The following SPTBN1 variants were observed in gnomAD, a reference collection of about 807,000 sequenced individuals.
The protein encoded by SPTBN1 is spectrin beta chain, non-erythrocytic 1.
A neutral mutation model predicts 266.4 loss-of-function variants in SPTBN1; 32 were observed. That is an observed-to-expected ratio of 0.12 (90% CI 0.09 to 0.16). SPTBN1 has a LOEUF of 0.16. Ranked by LOEUF, SPTBN1 falls within the 10% of genes least tolerant of loss-of-function variation. The pLI is 1.00. For synonymous variants in SPTBN1, 1,336 were observed against 1,162.2 expected, an observed-to-expected ratio of 1.15 and a Z score of -3.04; for missense variants, 2,296 against 3,067.1, an observed-to-expected ratio of 0.75 and a Z score of 5.94.
At chr2:54,546,128 T>C (rs1203205039) in intron 2 of SPTBN1, among the ~76,000 whole-genome samples, 1 of 152,230 alleles carries the variant, frequency 6.6e-6, no homozygotes, top group African/African-American at 2.4e-5. Flanking sequence ...CTTTCCTGTG[T>C]AATGATTTTT....
At position 54,558,773 on chromosome 2, in the gene SPTBN1, G is replaced by A. The variant is rs892952711; in HGVS notation, c.148+32207G>A. ...CGCAGTCCTCCGGGGCGTTACGCCG[G>A]GCATAATGGAATTGCAGAGGACGTC... is the stretch of plus-strand genomic sequence containing the variant. On this transcript the variant is annotated intron_variant, in intron 2 of 35. Transcript: ENST00000356805. The surrounding 1 kb of genome is among the most constrained non-coding windows in gnomAD (Gnocchi z 4.6). 40 of 1,611,994 alleles carry A rather than the reference G, an allele frequency of 2.5e-5. No homozygotes were observed. The highest frequency in any genetic ancestry group is 3.4e-5 in the Non-Finnish European group (40 of 1,178,752).
intron 2 of SPTBN1, among the ~76,000 whole-genome samples, chr2:54,583,767 A>G (rs2104585891): frequency 6.6e-6 from 1 of 152,334 alleles, no homozygotes; most frequent in East Asian, 1.9e-4. Flanking sequence ...GCAGCAGTAC[A>G]CATAGGACCT....
At chr2:54,644,107 T>G (rs949173811) in intron 19 of SPTBN1, among the ~76,000 whole-genome samples, 13 of 152,218 alleles carry the variant, frequency 8.5e-5, no homozygotes, top group African/African-American at 3.1e-4. Context: ...TATTTCAGCA[T>G]GTAACATTTA....
chr2:54,542,889 C>G (rs1175983919), intron 2 of SPTBN1, among the ~76,000 whole-genome samples: 1 of 152,208 alleles, frequency 6.6e-6, no homozygotes, highest in East Asian at 1.9e-4. Flanking sequence ...ATTTTGGTCA[C>G]AAATCTGCAA....
At chr2:54,518,170 G>A (rs1670219958) in intron 1 of SPTBN1, among the ~76,000 whole-genome samples, 1 of 152,014 alleles carries the variant, frequency 6.6e-6, no homozygotes, top group South Asian at 2.1e-4. Context: ...CTAGCCCCAT[G>A]TACCTGAGTA....
chr2:54,477,092 A>T (rs188081076), intron 1 of SPTBN1, among the ~76,000 whole-genome samples: 17 of 152,266 alleles, frequency 1.1e-4, no homozygotes, highest in African/African-American at 4.1e-4. Context: ...AAGTTTTGAA[A>T]TGAGATACTA....
chr2:54,533,798 G>A lies in SPTBN1; in HGVS notation c.148+7232G>A, dbSNP rs902691879. Among the ~76,000 whole-genome samples the A allele has an allele frequency of 3.9e-5, 6 of 152,126 alleles. No individual in the cohort carries two copies. Among genetic ancestry groups the A allele is most frequent in the African/African-American group, 9.7e-5 (4 of 41,420 alleles). ...ACTCCTGACCCCAGGTGATCCGCCC[G>A]CCTTGGCCTCCCAAAGTGCTGGGAT... is the stretch of plus-strand genomic sequence containing the variant. On this transcript the variant is annotated intron_variant, in intron 2 of 35. Coordinates refer to ENST00000356805, the MANE Select transcript of SPTBN1 (RefSeq NM_003128.3). This position sits in a 1 kb window ranked among gnomAD's most constrained non-coding sequence, Gnocchi z 4.2.
In SPTBN1 at chr2:54,669,838, C is replaced by T. The variant is rs1458181425; in HGVS notation, c.*1269C>T. The T allele has an allele frequency of 6.6e-6, 1 of 152,210 alleles. No individual in the cohort carries two copies. Among genetic ancestry groups the T allele is most frequent in the Non-Finnish European group, 1.5e-5 (1 of 68,030 alleles). The allele number at this position is 152,210 out of a possible 1,614,324, so 9.4% of individuals were successfully genotyped here. On this transcript the variant is annotated 3_prime_UTR_variant, in exon 36 of 36. Coordinates refer to ENST00000356805, the MANE Select transcript of SPTBN1 (RefSeq NM_003128.3). ...CACAAGCTTTGAAAACTACAGCAAA[C>T]AGTAATAAATGTGACTGTTTTGTAG...
At chr2:54,652,232 AG>A (rs1680348765) in intron 26 of SPTBN1, among the ~76,000 whole-genome samples, 1 of 152,246 alleles carries the variant, frequency 6.6e-6, no homozygotes, top group African/African-American at 2.4e-5. Flanking sequence ...ATGTAAGAGG[AG>A]AAAATTTAAC....
intron 3 of SPTBN1, among the ~76,000 whole-genome samples, chr2:54,601,817 T>G (rs1195539260): frequency 2.0e-5 from 3 of 152,224 alleles, no homozygotes; most frequent in East Asian, 3.8e-4. Context: ...TGTGAATGTG[T>G]GCATGTGTGT....
chr2:54,494,929 AAT>A (rs1668884958), intron 1 of SPTBN1, among the ~76,000 whole-genome samples: 3 of 151,348 alleles, frequency 2.0e-5, no homozygotes, highest in African/African-American at 4.9e-5. Context: ...AAAAAAAAAA[AAT>A]GTCCTGAAAA....
intron 2 of SPTBN1, among the ~76,000 whole-genome samples, chr2:54,561,442 G>T (rs377408892): frequency 1.3e-5 from 2 of 151,932 alleles, no homozygotes; most frequent in African/African-American, 2.4e-5. Flanking sequence ...CCTGTACTGG[G>T]TTTAATGCCT....
chr2:54,469,629 A>G (rs1294201798), intron 1 of SPTBN1, among the ~76,000 whole-genome samples: 2 of 152,202 alleles, frequency 1.3e-5, no homozygotes, highest in Admixed American at 1.3e-4. Flanking sequence ...AGGTCTTGAC[A>G]CTTGGGATGG....
chr2:54,593,411 C>T (rs57051146), intron 2 of SPTBN1, among the ~76,000 whole-genome samples: 5,322 of 152,176 alleles, frequency 0.035, 315 homozygotes, highest in African/African-American at 0.12. Flanking sequence ...TTCTTTTTGT[C>T]CTTTTTTCAC....
chr2:54,481,338 A>C (rs1668086504), intron 1 of SPTBN1, among the ~76,000 whole-genome samples: 1 of 151,078 alleles, frequency 6.6e-6, no homozygotes, highest in Non-Finnish European at 1.5e-5. Flanking sequence ...CCTGAAGGGC[A>C]TGGCATGCCT....
At chr2:54,516,677 CAA>C (rs1448982509) in intron 1 of SPTBN1, among the ~76,000 whole-genome samples, 1 of 152,154 alleles carries the variant, frequency 6.6e-6, no homozygotes, top group Non-Finnish European at 1.5e-5. Flanking sequence ...ATACCTAAGA[CAA>C]AGTGACTCTA....
chr2:54,564,563 G>C (rs1029132643), intron 2 of SPTBN1, among the ~76,000 whole-genome samples: 1 of 152,206 alleles, frequency 6.6e-6, no homozygotes, highest in South Asian at 2.1e-4. Context: ...AGCTGCAGCT[G>C]CTGCCACACC....
At chr2:54,657,687 G>A (rs1388539829) in intron 29 of SPTBN1, 163 bp from the exon 30 acceptor site, 1 of 761,498 alleles carries the variant, frequency 1.3e-6, no homozygotes, top group Non-Finnish European at 2.1e-6. Flanking sequence ...AGTTGCAAGT[G>A]TGGCTCACAT....
chr2:54,522,646 A>AGAGAGAGG lies in SPTBN1; in HGVS notation c.-47-3726_-47-3725insGAGAGAGG, dbSNP rs1670513590. ...ACTCTGTCTCAAAAAGAAAGAAAGA[A>AGAGAGAGG]AGAGAGAGAGAAAGAGAGAGAGAGA... On this transcript the variant is annotated intron_variant, in intron 1 of 35. Transcript: ENST00000356805. 1.8e-4 allele frequency among the ~76,000 whole-genome samples: 10 copies of AGAGAGAGG among 56,884 alleles called. No homozygotes were observed. The South Asian group carries it at 5.3e-3, about 30-fold the overall frequency. The allele number at this position is 56,884 out of a possible 152,430, so 37.3% of individuals were successfully genotyped here. A position where few individuals can be genotyped will look rare whatever the true frequency, so the allele number is the denominator to read the frequency against.
Sources: allele counts gnomAD v4.1 joint callset (sites outside exome capture counted in the v4.1 genomes callset), GRCh38; gene constraint gnomAD v4.1.1; non-coding constraint Gnocchi (gnomAD v3.1); transcripts MANE v1.5; gene names NCBI Gene and HGNC (gene_info 2026-07-23, HGNC 2026-07-21).